SORCS2: variants seen among roughly 807,000 people sequenced by gnomAD.
SORCS2 encodes the protein sortilin related VPS10 domain containing receptor 2.
Under a neutral mutation model 141.6 loss-of-function variants are expected in SORCS2, and 100 were observed. That is an observed-to-expected ratio of 0.71 (90% CI 0.60 to 0.83). The LOEUF (loss-of-function observed/expected upper bound fraction) is 0.83, where lower values mean the gene tolerates loss of function less well. Ranked by LOEUF, SORCS2 falls within the 40% of genes least tolerant of loss-of-function variation. The probability of loss-of-function intolerance (pLI) is 0.00; values close to 1 mark genes in which losing one functional copy is unlikely to be tolerated. For missense variants in SORCS2, 1,646 were observed against 1,560.2 expected, an observed-to-expected ratio of 1.05 and a Z score of -0.93; for synonymous variants, 789 against 676.9, an observed-to-expected ratio of 1.17 and a Z score of -2.57.
Position 7,704,304 on chromosome 4 carries a change from A to G in SORCS2, c.1868+20A>G. 1 of 1,590,478 alleles carries G rather than the reference A, an allele frequency of 6.3e-7. No homozygotes were observed. The highest frequency in any genetic ancestry group is 1.7e-4 in the Middle Eastern group (1 of 6,008). ...CATGACGTGAGTGCGGGGACCGGGG[A>G]GTGGGCACTGGTGGCAGGGCAGAGC... On this transcript the variant is annotated intron_variant, in intron 14 of 26. Transcript: ENST00000507866.
rs1461019612 is a variant in SORCS2, at chr4:7,312,941, C to T, written c.481-83347C>T. On this transcript the variant is annotated intron_variant, in intron 1 of 26. Transcript: ENST00000507866. ...CCCTGCAGAGCTGCAGCTGGCTGAG[C>T]AGCGACTGTCCTGATAGCTGGCTCC... Among the ~76,000 whole-genome samples the T allele has an allele frequency of 2.6e-5, 4 of 152,366 alleles. No homozygotes were observed. The East Asian group carries it at 7.7e-4, about 29-fold the overall frequency.
chr4:7,266,780 ACT>A (rs1193074800), intron 1 of SORCS2, among the ~76,000 whole-genome samples: 1 of 151,926 alleles, frequency 6.6e-6, no homozygotes, highest in Non-Finnish European at 1.5e-5. Context: ...CTCAGCTAAG[ACT>A]CTGGCCACGT....
At chr4:7,661,455 A>G (rs1280546440) in intron 5 of SORCS2, 45 bp from the exon 6 acceptor site, 2 of 1,544,522 alleles carry the variant, frequency 1.3e-6, no homozygotes, top group Non-Finnish European at 1.8e-6. Context: ...GGGGACGGGC[A>G]TGGTGACTCC....
At chr4:7,433,273 A>G in intron 2 of SORCS2, 1 of 1,349,088 alleles carries the variant, frequency 7.4e-7, no homozygotes. Context: ...CACCCACCTC[A>G]TGGGCCTCGC....
chr4:7,320,253 G>T (rs1347032615), intron 1 of SORCS2, among the ~76,000 whole-genome samples: 7 of 152,164 alleles, frequency 4.6e-5, no homozygotes, highest in African/African-American at 1.7e-4. Context: ...TCAAACGCTG[G>T]GGAACACTAC....
At chr4:7,405,624 T>C (rs1341555642) in intron 2 of SORCS2, among the ~76,000 whole-genome samples, 2 of 152,130 alleles carry the variant, frequency 1.3e-5, no homozygotes, top group African/African-American at 4.8e-5. Flanking sequence ...GATTGCCTTC[T>C]TGATTTCATT....
In SORCS2 at chr4:7,423,989, G is replaced by A. The variant is rs116332133; in HGVS notation, c.548+27634G>A. On this transcript the variant is annotated intron_variant, in intron 2 of 26. Transcript: ENST00000507866. ...AAGGGCCCAGGCATGCTGTGGCTTAGGAGGATGGCAGGGCGCTCCGTGTCC... is the reference window on the plus strand; with the variant it reads ...AAGGGCCCAGGCATGCTGTGGCTTAAGAGGATGGCAGGGCGCTCCGTGTCC... Among the ~76,000 whole-genome samples, 1,110 of 152,340 alleles carry A rather than the reference G, an allele frequency of 7.3e-3. 7 individuals are homozygous for A. The highest frequency in any genetic ancestry group is 0.013 in the Non-Finnish European group (874 of 68,040).
At chr4:7,211,847 C>T (rs1577280622) in intron 1 of SORCS2, among the ~76,000 whole-genome samples, 1 of 152,316 alleles carries the variant, frequency 6.6e-6, no homozygotes, top group Middle Eastern at 3.4e-3. Flanking sequence ...GCGGGCCTCA[C>T]TCTGTCGGCT....
intron 3 of SORCS2, among the ~76,000 whole-genome samples, chr4:7,591,475 G>C (rs377131900): frequency 6.6e-6 from 1 of 152,290 alleles, no homozygotes; most frequent in East Asian, 1.9e-4. Context: ...TGGGGAGACA[G>C]GTGGTGCTGG....
intron 2 of SORCS2, among the ~76,000 whole-genome samples, chr4:7,508,235 T>G (rs4591606): frequency 7.8e-6 from 1 of 127,926 alleles, no homozygotes; most frequent in Non-Finnish European, 1.6e-5. Context: ...TGAGGAGGGA[T>G]GAAGGTCAGG....
intron 20 of SORCS2, among the ~76,000 whole-genome samples, chr4:7,726,138 T>A (rs1577126354): frequency 6.6e-6 from 1 of 152,222 alleles, no homozygotes. Context: ...AGCTGGGCAC[T>A]GGCTTGGTGC....
intron 1 of SORCS2, among the ~76,000 whole-genome samples, chr4:7,386,130 C>A (rs536093378): frequency 2.0e-5 from 3 of 151,490 alleles, no homozygotes; most frequent in Non-Finnish European, 4.4e-5. Context: ...TATGTACACA[C>A]GCACACATGC....
At chr4:7,210,615 T>C (rs1051255664) in intron 1 of SORCS2, among the ~76,000 whole-genome samples, 1 of 152,104 alleles carries the variant, frequency 6.6e-6, no homozygotes, top group African/African-American at 2.4e-5. Flanking sequence ...CCCAAGATGG[T>C]TGGCTGCAGG....
chr4:7,695,043 C>G (rs1399934155), intron 11 of SORCS2, among the ~76,000 whole-genome samples: 1 of 151,828 alleles, frequency 6.6e-6, no homozygotes, highest in Non-Finnish European at 1.5e-5. Context: ...GGAGCATGGG[C>G]CACAGCTCAT....
chr4:7,588,763 C>T (rs1484692829), intron 3 of SORCS2, among the ~76,000 whole-genome samples: 3 of 152,306 alleles, frequency 2.0e-5, no homozygotes, highest in African/African-American at 7.2e-5. Flanking sequence ...CACTGACATG[C>T]ATTCATTCAT....
At chr4:7,642,105 T>G (rs951890718) in intron 4 of SORCS2, among the ~76,000 whole-genome samples, 3 of 152,192 alleles carry the variant, frequency 2.0e-5, no homozygotes, top group Non-Finnish European at 4.4e-5. Flanking sequence ...ACAGGGACAG[T>G]CCAGGTCAGG....
chr4:7,445,120 C>A (rs1727904727), intron 2 of SORCS2, among the ~76,000 whole-genome samples: 1 of 152,224 alleles, frequency 6.6e-6, no homozygotes, highest in African/African-American at 2.4e-5. Flanking sequence ...GCTGTCTCTT[C>A]TCCCAGGAGG....
At chr4:7,464,390 T>C (rs553276487) in intron 2 of SORCS2, among the ~76,000 whole-genome samples, 1 of 152,200 alleles carries the variant, frequency 6.6e-6, no homozygotes, top group African/African-American at 2.4e-5. Flanking sequence ...CTGGATGCCC[T>C]GAGGGAGGGG....
Position 7,286,799 on chromosome 4 carries a change from G to C in SORCS2, c.480+93673G>C, listed in dbSNP as rs1716256651. Among the ~76,000 whole-genome samples, 1 of 152,212 alleles carries C rather than the reference G, an allele frequency of 6.6e-6. No homozygotes were observed. The highest frequency in any genetic ancestry group is 1.5e-5 in the Non-Finnish European group (1 of 68,042). On this transcript the variant is annotated intron_variant, in intron 1 of 26. Coordinates refer to ENST00000507866, the MANE Select transcript of SORCS2 (RefSeq NM_020777.3). The surrounding 1 kb of genome is among the most constrained non-coding windows in gnomAD (Gnocchi z 4.1). ...ACTGAGGCAGACTGGGAGGCGTCTT[G>C]GGTCCCAGACCGTGGAACCTGGGTG...
Sources: allele counts gnomAD v4.1 joint callset (sites outside exome capture counted in the v4.1 genomes callset), GRCh38; gene constraint gnomAD v4.1.1; non-coding constraint Gnocchi (gnomAD v3.1); transcripts MANE v1.5; gene names NCBI Gene and HGNC (gene_info 2026-07-23, HGNC 2026-07-21).